Variants in RIT2 observed in about 807,000 individuals in gnomAD.
RIT2 encodes the protein Ras like without CAAX 2.
Under a neutral mutation model 23.7 loss-of-function variants are expected in RIT2, and 24 were observed. The observed-to-expected ratio is 1.01, with a 90% CI of 0.73 to 1.43. The LOEUF (loss-of-function observed/expected upper bound fraction) is 1.43, where lower values mean the gene tolerates loss of function less well. Ranked by LOEUF, RIT2 falls within the 40% of genes most tolerant of loss-of-function variation. The pLI is 0.00. For synonymous variants in RIT2, 107 were observed against 91.1 expected, an observed-to-expected ratio of 1.17 and a Z score of -0.99; for missense variants, 236 against 266.9, an observed-to-expected ratio of 0.88 and a Z score of 0.81.
intron 4 of RIT2, among the ~76,000 whole-genome samples, chr18:42,875,761 T>G (rs1907729416): frequency 6.6e-6 from 1 of 152,102 alleles, no homozygotes; most frequent in African/African-American, 2.4e-5. Context: ...CACCCAAATC[T>G]TTCTATCCTG....
chr18:42,853,351 T>C (rs1044881501), intron 4 of RIT2, among the ~76,000 whole-genome samples: 4 of 152,234 alleles, frequency 2.6e-5, no homozygotes, highest in African/African-American at 7.2e-5. Context: ...ATTCTGACTA[T>C]GTACAAGTTA....
At chr18:42,867,630 TAA>T (rs113291312) in intron 4 of RIT2, among the ~76,000 whole-genome samples, 35,594 of 142,920 alleles carry the variant, frequency 0.25, 4,493 homozygotes, top group African/African-American at 0.32. Context: ...TGCCAAAAAT[TAA>T]AAAAAAAAAA....
At chr18:42,978,752 T>C (rs1910529791) in intron 2 of RIT2, among the ~76,000 whole-genome samples, 1 of 152,102 alleles carries the variant, frequency 6.6e-6, no homozygotes, top group East Asian at 1.9e-4. Context: ...GGATATATCT[T>C]CTCCACTGTC....
chr18:43,104,657 T>C (rs1401145320), intron 1 of RIT2, among the ~76,000 whole-genome samples: 1 of 152,080 alleles, frequency 6.6e-6, no homozygotes, highest in Non-Finnish European at 1.5e-5. Context: ...CTGATTTCAG[T>C]CCTAAGATAA....
At chr18:42,864,830 A>T (rs187165900) in intron 4 of RIT2, among the ~76,000 whole-genome samples, 3 of 152,296 alleles carry the variant, frequency 2.0e-5, no homozygotes, top group Admixed American at 6.5e-5. Context: ...AGGAGGCTCC[A>T]TATATCCTGA....
intron 1 of RIT2, among the ~76,000 whole-genome samples, chr18:43,107,784 C>A (rs549589330): frequency 6.6e-6 from 1 of 151,990 alleles, no homozygotes; most frequent in Admixed American, 6.6e-5. Context: ...ATCTAATAAG[C>A]GTAGCACTCT....
intron 4 of RIT2, among the ~76,000 whole-genome samples, chr18:42,848,669 G>T (rs1906971225): frequency 6.6e-6 from 1 of 152,108 alleles, no homozygotes; most frequent in Non-Finnish European, 1.5e-5. Flanking sequence ...ACTGACTCAG[G>T]TTCAAGCTGC....
intron 2 of RIT2, among the ~76,000 whole-genome samples, chr18:42,982,811 A>G (rs1910626324): frequency 6.6e-6 from 1 of 152,098 alleles, no homozygotes; most frequent in Non-Finnish European, 1.5e-5. Flanking sequence ...ATATGCTAAA[A>G]ATTATACAAT....
chr18:42,973,862 T>TAATTTAATTGGCAA lies in RIT2; in HGVS notation c.234+211_234+212insTTGCCAATTAAATT, dbSNP rs1209298529. ...ATAATTTAATTGGCAATATAACACC[T>TAATTTAATTGGCAA]ATATGGACTCTTTTATTTTTAGAAA... is the stretch of plus-strand genomic sequence containing the variant. On this transcript the variant is annotated intron_variant, in intron 3 of 4. Coordinates refer to ENST00000326695, the MANE Select transcript of RIT2 (RefSeq NM_002930.4). Among the ~76,000 whole-genome samples, 919 of 152,054 alleles carry TAATTTAATTGGCAA rather than the reference T, an allele frequency of 6.0e-3. 3 individuals carry two copies. The highest frequency in any genetic ancestry group is 0.021 in the African/African-American group (862 of 41,526).
intron 4 of RIT2, among the ~76,000 whole-genome samples, chr18:42,907,291 G>C (rs1908648421): frequency 6.6e-6 from 1 of 152,108 alleles, no homozygotes; most frequent in South Asian, 2.1e-4. Flanking sequence ...TCAGTGACTA[G>C]CAAAAGGCAT....
chr18:42,832,727 T>G (rs1010800045), intron 4 of RIT2, among the ~76,000 whole-genome samples: 1 of 151,812 alleles, frequency 6.6e-6, no homozygotes, highest in Non-Finnish European at 1.5e-5. Flanking sequence ...TACTTAATTA[T>G]AGTCACCCTC....
chr18:42,776,352 T>C (rs1460817541), intron 4 of RIT2, among the ~76,000 whole-genome samples: 1 of 152,162 alleles, frequency 6.6e-6, no homozygotes, highest in Non-Finnish European at 1.5e-5. Flanking sequence ...ATACAGAAAG[T>C]ACAAGATAAA....
At chr18:42,840,832 A>G (rs774579794) in intron 4 of RIT2, among the ~76,000 whole-genome samples, 1 of 152,224 alleles carries the variant, frequency 6.6e-6, no homozygotes, top group Admixed American at 6.5e-5. Context: ...TGAAGTAGAT[A>G]TCATTCCTAA....
intron 4 of RIT2, 113 bp downstream of exon 4, chr18:42,923,459 G>T: frequency 1.2e-6 from 1 of 868,148 alleles, no homozygotes; most frequent in Non-Finnish European, 1.8e-6. Flanking sequence ...GAAAAATCAT[G>T]TGCATAATTT....
intron 4 of RIT2, among the ~76,000 whole-genome samples, chr18:42,845,869 ATAT>A (rs1234868530): frequency 2.0e-5 from 3 of 152,016 alleles, no homozygotes; most frequent in East Asian, 3.9e-4. Flanking sequence ...TTAGAAAGAA[ATAT>A]TATATCTTCA....
chr18:43,051,045 A>G (rs1019667931), intron 1 of RIT2, among the ~76,000 whole-genome samples: 4 of 152,096 alleles, frequency 2.6e-5, no homozygotes, highest in African/African-American at 7.2e-5. Flanking sequence ...CACAAGTTCC[A>G]GAGGCTCGGA....
chr18:42,771,054 T>A (rs1420098006), intron 4 of RIT2, among the ~76,000 whole-genome samples: 34 of 152,158 alleles, frequency 2.2e-4, no homozygotes, highest in Admixed American at 2.2e-3. Flanking sequence ...TTCCCACTCA[T>A]TTACATTTTC....
rs370867171 is a variant in RIT2 at position 42,752,956 on chromosome 18, A to G, written c.427-9236T>C. Among the ~76,000 whole-genome samples, 45 of 152,362 alleles carry G rather than the reference A, an allele frequency of 3.0e-4. No individual in the cohort carries two copies. In the East Asian group the frequency reaches 8.1e-3, roughly 27 times the overall value. On this transcript the variant is annotated intron_variant, in intron 4 of 4. Coordinates refer to ENST00000326695, the MANE Select transcript of RIT2 (RefSeq NM_002930.4). ...TTCATACAAGTAATAGAAAATTTCA[A>G]TAACCCAGGGGTGCCATCTTTTTAA...
intron 4 of RIT2, among the ~76,000 whole-genome samples, chr18:42,805,721 T>C (rs1905664909): frequency 1.3e-5 from 2 of 152,150 alleles, no homozygotes; most frequent in South Asian, 2.1e-4. Flanking sequence ...ACCCAGCTCA[T>C]AAGACAAATC....
Sources: allele counts gnomAD v4.1 joint callset (sites outside exome capture counted in the v4.1 genomes callset), GRCh38; gene constraint gnomAD v4.1.1; transcripts MANE v1.5; gene names NCBI Gene and HGNC (gene_info 2026-07-23, HGNC 2026-07-21).